CNTN4: variants seen among roughly 807,000 people sequenced by gnomAD.
The protein encoded by CNTN4 is contactin 4.
Under a neutral mutation model 122.5 loss-of-function variants are expected in CNTN4, and 77 were observed. That is an observed-to-expected ratio of 0.63 (90% CI 0.52 to 0.76). CNTN4 has a LOEUF of 0.76. CNTN4 is among the 30% of genes least tolerant of loss of function. The pLI, the probability that CNTN4 is intolerant of heterozygous loss-of-function variation, is 0.00. For missense variants in CNTN4, 1,256 were observed against 1,259.1 expected (o/e 1.00, Z 0.04); for synonymous variants, 512 against 447.0 (o/e 1.15, Z -1.83).
At chr3:2,370,741 T>C (rs1446540925) in intron 3 of CNTN4, among the ~76,000 whole-genome samples, 1 of 152,198 alleles carries the variant, frequency 6.6e-6, no homozygotes, top group Non-Finnish European at 1.5e-5. Context: ...GAATTTTTAT[T>C]ATAGATCCAA....
At position 2,629,632 on chromosome 3, in the gene CNTN4, C is replaced by G. The variant is rs1219331018; in HGVS notation, c.55+58074C>G. The G allele has an allele frequency of 9.4e-6, 4 of 427,132 alleles. No homozygotes were observed. The East Asian group carries it at 2.8e-4, about 30-fold the overall frequency. The allele number at this position is 427,132 out of a possible 1,614,324, so 26.5% of individuals were successfully genotyped here. On this transcript the variant is annotated intron_variant, in intron 4 of 24. Transcript: ENST00000418658. ...AAGCCTAAGTTACAGCACCAGCTTT[C>G]TTAGTTTTCCACAGTTCATGGTTCT...
chr3:2,587,259 T>G (rs2080244151), intron 4 of CNTN4, among the ~76,000 whole-genome samples: 1 of 152,156 alleles, frequency 6.6e-6, no homozygotes, highest in Non-Finnish European at 1.5e-5. Context: ...CCAAACCAAA[T>G]TAAACTCACA....
rs113821823 is a variant in CNTN4, at chr3:2,442,503, G to A, written c.-89+103270G>A. On this transcript the variant is annotated intron_variant, in intron 3 of 24. Coordinates refer to ENST00000418658, the MANE Select transcript of CNTN4 (RefSeq NM_175607.3). ...TTTTTAATAGAATCAGAACTGCAAG[G>A]CTTGTTTGTCTTTATTTATTTTATC... 3.9e-3 allele frequency among the ~76,000 whole-genome samples: 586 copies of A among 151,938 alleles called. 4 individuals are homozygous for A. Among genetic ancestry groups the A allele is most frequent in the African/African-American group, 0.014 (572 of 41,440 alleles).
chr3:2,805,398 A>G (rs560452499), intron 6 of CNTN4, among the ~76,000 whole-genome samples: 2 of 152,342 alleles, frequency 1.3e-5, no homozygotes, highest in East Asian at 1.9e-4. Flanking sequence ...AAATCAGAAT[A>G]GAAAATGATC....
chr3:2,961,607 A>G (rs1317745734), intron 13 of CNTN4, among the ~76,000 whole-genome samples: 3 of 152,180 alleles, frequency 2.0e-5, no homozygotes, highest in African/African-American at 7.2e-5. Context: ...AATCCCTGCT[A>G]GAGACAACAT....
chr3:2,717,356 A>C (rs1293196610), intron 4 of CNTN4, among the ~76,000 whole-genome samples: 1 of 152,150 alleles, frequency 6.6e-6, no homozygotes, highest in Non-Finnish European at 1.5e-5. Context: ...GGCTGCCTAC[A>C]TGACCAGCCC....
intron 4 of CNTN4, among the ~76,000 whole-genome samples, chr3:2,664,984 C>T (rs1384835572): frequency 1.3e-5 from 2 of 152,042 alleles, no homozygotes; most frequent in Non-Finnish European, 2.9e-5. Flanking sequence ...GGGAGGTTTT[C>T]CTCTGAAATA....
chr3:2,585,650 G>T (rs4685531), intron 4 of CNTN4, among the ~76,000 whole-genome samples: 8 of 146,452 alleles, frequency 5.5e-5, no homozygotes, highest in African/African-American at 1.8e-4. Context: ...GAGAACACAT[G>T]GACACAGGAA....
intron 3 of CNTN4, among the ~76,000 whole-genome samples, chr3:2,363,738 A>G (rs2045258220): frequency 6.6e-6 from 1 of 152,196 alleles, no homozygotes; most frequent in African/African-American, 2.4e-5. Flanking sequence ...TCACGAAGAT[A>G]GAGAATAACT....
intron 3 of CNTN4, among the ~76,000 whole-genome samples, chr3:2,387,929 T>C (rs1370342763): frequency 2.6e-5 from 4 of 152,240 alleles, no homozygotes; most frequent in African/African-American, 4.8e-5. Context: ...TGTGAAGTTC[T>C]AGAAGAGTAC....
chr3:2,889,017 G>T (rs1042736322), intron 10 of CNTN4, among the ~76,000 whole-genome samples: 1 of 151,850 alleles, frequency 6.6e-6, no homozygotes, highest in Non-Finnish European at 1.5e-5. Context: ...AGAAAGAAAT[G>T]GAAGGAAGGG....
chr3:2,344,403 G>A (rs139112737), intron 3 of CNTN4, among the ~76,000 whole-genome samples: 89 of 151,604 alleles, frequency 5.9e-4, no homozygotes, highest in African/African-American at 2.1e-3. Flanking sequence ...CCCCAGCCTC[G>A]TGAATAGCTG....
chr3:2,632,757 A>C (rs549509798), intron 4 of CNTN4, among the ~76,000 whole-genome samples: 1 of 152,260 alleles, frequency 6.6e-6, no homozygotes, highest in African/African-American at 2.4e-5. Context: ...AATTCTCATG[A>C]CACTGCACAA....
At chr3:2,976,841 G>T (rs6766399) in intron 13 of CNTN4, among the ~76,000 whole-genome samples, 5 of 151,818 alleles carry the variant, frequency 3.3e-5, no homozygotes, top group African/African-American at 1.2e-4. Flanking sequence ...AAAGAGATAG[G>T]CAAGGAAATT....
At chr3:2,388,587 G>A (rs2046329280) in intron 3 of CNTN4, among the ~76,000 whole-genome samples, 1 of 152,236 alleles carries the variant, frequency 6.6e-6, no homozygotes. Context: ...GCTTACGCCT[G>A]TAATCACAGC....
chr3:2,769,389 C>T (rs989686727), intron 6 of CNTN4, among the ~76,000 whole-genome samples: 3 of 149,004 alleles, frequency 2.0e-5, no homozygotes, highest in Admixed American at 6.8e-5. Flanking sequence ...CACTTGAACC[C>T]GGGAGGCAGA....
chr3:2,561,917 T>G (rs907714696), intron 3 of CNTN4, among the ~76,000 whole-genome samples: 3 of 152,094 alleles, frequency 2.0e-5, no homozygotes, highest in Admixed American at 6.6e-5. Flanking sequence ...CAGCAAAGAG[T>G]GCCATAATCA....
chr3:2,708,746 C>CAG (rs2086907770), intron 4 of CNTN4, among the ~76,000 whole-genome samples: 1 of 31,640 alleles, frequency 3.2e-5, no homozygotes, highest in Admixed American at 4.4e-4. Flanking sequence ...CACACACACA[C>CAG]ACACACACAC....
intron 3 of CNTN4, among the ~76,000 whole-genome samples, chr3:2,479,774 C>A (rs142608879): frequency 1.3e-5 from 2 of 152,062 alleles, no homozygotes; most frequent in Non-Finnish European, 2.9e-5. Flanking sequence ...GACGGGTGAG[C>A]GTGTTTCTCA....
Sources: gnomAD v4.1 joint callset for allele counts (sites outside exome capture counted in the v4.1 genomes callset) on GRCh38, gnomAD v4.1.1 for gene constraint, MANE v1.5 for transcripts, NCBI Gene and HGNC (gene_info 2026-07-23, HGNC 2026-07-21) for gene names.